Variants in RYR1 observed in about 807,000 individuals in gnomAD.
RYR1 encodes central core disease of muscle.
A neutral mutation model predicts 583.5 loss-of-function variants in RYR1; 342 were observed. That is an observed-to-expected ratio of 0.59 (90% confidence interval 0.54 to 0.64). RYR1 has a LOEUF of 0.64. RYR1 is among the 30% of genes least tolerant of loss of function. RYR1 has a pLI of 0.00. For missense variants in RYR1, 6,032 were observed against 6,917.2 expected (o/e 0.87, Z 4.54); for synonymous variants, 2,791 against 2,822.5 (o/e 0.99, Z 0.35).
At chr19:38,473,311 G>A in intron 27 of RYR1, 66 bp from the exon 28 acceptor site, 4 of 1,591,414 alleles carry the variant, frequency 2.5e-6, no homozygotes, top group South Asian at 1.1e-5. Flanking sequence ...GTGTGACCAG[G>A]TGTAGGACCA....
chr19:38,466,017 A>C (rs1376288128), intron 23 of RYR1, 74 bp from the exon 24 acceptor site: 462 of 1,212,872 alleles, frequency 3.8e-4, no homozygotes, highest in Non-Finnish European at 5.0e-4. Flanking sequence ...GTCAGCAGTC[A>C]GGGATCCCAT....
rs1390490146 is a variant in RYR1 at position 38,460,488 on chromosome 19, T to A, written c.2474T>A (p.Ile825Asn). Residue 825 changes from isoleucine to asparagine, a missense_variant, in exon 20 of 106, where the codon ATC becomes AAC. Physicochemically the swap from Ile to Asn is moderately radical, Grantham distance 149. Coordinates refer to ENST00000359596, the MANE Select transcript of RYR1 (RefSeq NM_000540.3). ...CGAGAGCGACTCCATCTTGAACCCA[T>A]CAAGGAGTATCGACGGGAGGGGCCC... ...LPRERLHLEP[I>N]KEYRREGPRG... 6.2e-7 allele frequency: 1 copy of A among 1,614,216 alleles called. No individual in the cohort carries two copies. The highest frequency in any genetic ancestry group is 8.5e-7 in the Non-Finnish European group (1 of 1,180,044).
intron 53 of RYR1, 142 bp downstream of exon 53, chr19:38,505,540 C>A: frequency 1.3e-6 from 1 of 782,308 alleles, no homozygotes; most frequent in Non-Finnish European, 2.2e-6. Context: ...ACTTTGCCTT[C>A]TCTCAAACTT....
rs2145873966 is a variant in RYR1, at chr19:38,573,230, T to C, written c.14052T>C (p.Phe4684=). 3.7e-6 allele frequency: 6 copies of C among 1,613,976 alleles called. No individual in the cohort carries two copies. The Middle Eastern group carries it at 8.3e-4, about 222-fold the overall frequency. ...REKELARKLE[F]DGLYITEQPE... Reference sequence around the variant, plus strand: ...AGGAGCTGGCCCGGAAGCTGGAGTTTGATGGCCTGTACATCACGGAGCAGC... The same window carrying C: ...AGGAGCTGGCCCGGAAGCTGGAGTTCGATGGCCTGTACATCACGGAGCAGC... Residue 4684 remains phenylalanine, a synonymous_variant, in exon 96 of 106, where the codon TTT becomes TTC. Coordinates refer to ENST00000359596, the MANE Select transcript of RYR1 (RefSeq NM_000540.3).
Position 38,523,007 on chromosome 19 carries a change from C to G in RYR1, c.10260-21C>G. On this transcript the variant is annotated intron_variant, in intron 67 of 105. Transcript: ENST00000359596. Reference sequence around the variant, plus strand: ...CCTGGGATCCCCACCCCCTCCCTCACCTCCCCTCCGCTGACCCCAGGGCGC... The same window carrying G: ...CCTGGGATCCCCACCCCCTCCCTCAGCTCCCCTCCGCTGACCCCAGGGCGC... 3 of 1,561,686 alleles carry G rather than the reference C, an allele frequency of 1.9e-6. No homozygotes were observed. In the South Asian group the frequency reaches 3.5e-5, roughly 18 times the overall value.
In RYR1 at chr19:38,527,777, TGGACCA is replaced by T; in HGVS notation, c.10820_10824+1del. 1 of 1,613,428 alleles carries T rather than the reference TGGACCA, an allele frequency of 6.2e-7. No homozygotes were observed. The highest frequency in any genetic ancestry group is 8.5e-7 in the Non-Finnish European group (1 of 1,179,822). ...GAAGTGTCAGCCGTGCTCTACTACCTGGACCAGGTGGGTGGGGCCGGAGGGGTCTTT... is the reference window on the plus strand; with the variant it reads ...GAAGTGTCAGCCGTGCTCTACTACCTGGTGGGTGGGGCCGGAGGGGTCTTT... On this transcript the variant is annotated inframe_deletion and splice_region_variant, in exon 73 of 106. Coordinates refer to ENST00000359596, the MANE Select transcript of RYR1 (RefSeq NM_000540.3).
intron 12 of RYR1, 26 bp from the exon 13 acceptor site, chr19:38,452,793 G>C (rs1266032305): frequency 7.7e-6 from 12 of 1,555,306 alleles, no homozygotes; most frequent in Non-Finnish European, 1.0e-5. Context: ...TCCCAGCCGT[G>C]GCTGACAGCT....
chr19:38,572,158 T>C lies in RYR1; in HGVS notation c.13886T>C (p.Val4629Ala), dbSNP rs758162737. ...GAGGGCGATGAGGATGAGAACATGG[T>C]GTACTACTTCCTGGAGGAAAGCACA... ...EAEGDEDENM[V>A]YYFLEESTGY... Residue 4629 changes from valine to alanine, a missense_variant, in exon 95 of 106, where the codon GTG becomes GCG. Physicochemically the swap from Val to Ala is moderately conservative, Grantham distance 64. Coordinates refer to ENST00000359596, the MANE Select transcript of RYR1 (RefSeq NM_000540.3). 8.7e-6 allele frequency: 14 copies of C among 1,613,946 alleles called. No individual in the cohort carries two copies. In the South Asian group the frequency reaches 1.4e-4, roughly 16 times the overall value.
intron 83 of RYR1, among the ~76,000 whole-genome samples, chr19:38,537,491 ACC>A (rs998789716): frequency 6.6e-6 from 1 of 151,320 alleles, no homozygotes; most frequent in African/African-American, 2.4e-5. Context: ...GGTGACCCAA[ACC>A]CCCATAATCC....
intron 64 of RYR1, 42 bp from the exon 65 acceptor site, chr19:38,516,045 A>C: frequency 6.5e-7 from 1 of 1,538,034 alleles, no homozygotes; most frequent in South Asian, 1.2e-5. Context: ...AGGACCCCAA[A>C]GAGGGGGACA....
chr19:38,447,424 C>T (rs930245604), intron 9 of RYR1, among the ~76,000 whole-genome samples: 1 of 151,986 alleles, frequency 6.6e-6, no homozygotes, highest in African/African-American at 2.4e-5. Context: ...ACCTGTAATC[C>T]TTGCTACTGG....
Position 38,458,216 on chromosome 19 carries a change from C to T in RYR1, c.2091C>T (p.Ala697=), listed in dbSNP as rs138704724. 888 of 1,613,862 alleles carry T rather than the reference C, an allele frequency of 5.5e-4. 1 individual carries two copies. Among genetic ancestry groups the T allele is most frequent in the Non-Finnish European group, 6.4e-4 (759 of 1,180,026 alleles). The stretch of plus-strand genomic sequence containing the variant: ...AGGGCTACACCCCCTACCCTGGGGC[C>T]GGCGAGGGCTGGGGCGGCAACGGGG... ...LTEGYTPYPG[A]GEGWGGNGVG... is the part of the protein sequence containing the mutation. Residue 697 remains alanine, a synonymous_variant, in exon 18 of 106, where the codon GCC becomes GCT. Coordinates refer to ENST00000359596, the MANE Select transcript of RYR1 (RefSeq NM_000540.3).
chr19:38,490,206 A>C lies in RYR1; in HGVS notation c.5945A>C (p.Lys1982Thr). ...CGGAGCCGCTATGGCCTCCTCATAA[A>C]AGCCTTCAGCATGACCGCAGCAGAG... ...NQRSRYGLLI[K>T]AFSMTAAETA... is the part of the protein sequence containing the mutation. Residue 1982 changes from lysine to threonine, a missense_variant, in exon 36 of 106, where the codon AAA becomes ACA. This residue lies in a region of RYR1 where 2,627 missense variants were observed against 2,961.3 expected (regional missense o/e 0.89). Transcript: ENST00000359596. The C allele has an allele frequency of 1.2e-6, 2 of 1,614,176 alleles. No homozygotes were observed. Among genetic ancestry groups the C allele is most frequent in the Non-Finnish European group, 1.7e-6 (2 of 1,180,032 alleles).
In RYR1 at chr19:38,584,924, GT is replaced by G. The variant is rs769950470; in HGVS notation, c.14647-18del. The stretch of plus-strand genomic sequence containing the variant: ...TGAATGTCGAATGAATGAGTGACCA[GT>G]GTGCTCCCCTCCCTCAGTGTTACCT... On this transcript the variant is annotated intron_variant, in intron 101 of 105. Coordinates refer to ENST00000359596, the MANE Select transcript of RYR1 (RefSeq NM_000540.3). The G allele has an allele frequency of 4.3e-6, 7 of 1,613,712 alleles. No individual in the cohort carries two copies. The South Asian group carries it at 7.7e-5, about 18-fold the overall frequency.
In RYR1 at chr19:38,466,244, A is replaced by G. The variant is rs1968097454; in HGVS notation, c.3024A>G (p.Ala1008=). ...DRVGQGWSYS[A]VQDIPARRNP... ...TGGGCCAGGGCTGGAGCTACAGCGC[A>G]GTGCAGGACATCCCAGCGCGCCGAA... The change falls in exon 24 of 106, where the codon GCA becomes GCG. Residue 1008 remains alanine, a synonymous_variant. Transcript: ENST00000359596. 1.2e-6 allele frequency: 2 copies of G among 1,613,438 alleles called. No homozygotes were observed. The highest frequency in any genetic ancestry group is 8.5e-7 in the Non-Finnish European group (1 of 1,179,954).
At chr19:38,576,351 G>T in intron 97 of RYR1, among the ~76,000 whole-genome samples, 1 of 152,290 alleles carries the variant, frequency 6.6e-6, no homozygotes, top group East Asian at 1.9e-4. Flanking sequence ...TCAGGAGGCT[G>T]AGGTGGGAGG....
chr19:38,460,561 C>T lies in RYR1; in HGVS notation c.2547C>T (p.Asp849=). The change falls in exon 20 of 106, where the codon GAC becomes GAT. Residue 849 remains aspartate, a synonymous_variant. Transcript: ENST00000359596. ...VGPSRCLSHT[D]FVPCPVDTVQ... is the part of the protein sequence containing the mutation. ...CCAGTCGCTGCCTCTCACACACCGACTTCGTGCCCTGCCCTGTGGACACTG... is the reference window on the plus strand; with the variant it reads ...CCAGTCGCTGCCTCTCACACACCGATTTCGTGCCCTGCCCTGTGGACACTG... 1 of 1,613,364 alleles carries T rather than the reference C, an allele frequency of 6.2e-7. No individual in the cohort carries two copies.
intron 60 of RYR1, 25 bp from the exon 61 acceptor site, chr19:38,511,536 C>A (rs201912985): frequency 1.2e-6 from 2 of 1,613,350 alleles, no homozygotes; most frequent in South Asian, 2.2e-5. Flanking sequence ...TTTCTCCTGC[C>A]TTCTGTCCCT....
chr19:38,450,308 A>G (rs1013904615), intron 11 of RYR1, among the ~76,000 whole-genome samples: 1 of 152,044 alleles, frequency 6.6e-6, no homozygotes, highest in African/African-American at 2.4e-5. Flanking sequence ...TTGCTGACAG[A>G]TTGGCTGTGG....
Sources: allele counts gnomAD v4.1 joint callset (sites outside exome capture counted in the v4.1 genomes callset), GRCh38; gene constraint gnomAD v4.1.1; regional missense constraint gnomAD v4.1.1; transcripts MANE v1.5; gene names NCBI Gene and HGNC (gene_info 2026-07-23, HGNC 2026-07-21).